RSPH14: variants seen among roughly 807,000 people sequenced by gnomAD.
RSPH14 encodes rhabdoid tumor deletion region gene 1.
A neutral mutation model predicts 26.7 loss-of-function variants in RSPH14; 20 were observed. The observed-to-expected ratio is 0.75, with a 90% CI of 0.53 to 1.09. The LOEUF is 1.09. Ranked by LOEUF, RSPH14 falls within the 50% of genes least tolerant of loss-of-function variation. The pLI is 0.00. For missense variants in RSPH14, 449 were observed against 457.2 expected (o/e 0.98, Z 0.16); for synonymous variants, 177 against 189.3 (o/e 0.93, Z 0.53).
intron 4 of RSPH14, among the ~76,000 whole-genome samples, chr22:23,091,081 C>T (rs2068958163): frequency 6.6e-6 from 1 of 152,188 alleles, no homozygotes; most frequent in Non-Finnish European, 1.5e-5. Context: ...TGCAGATGCC[C>T]ACATGCACCA....
chr22:23,152,103 C>T, the RSPH14 span, among the ~76,000 whole-genome samples: 1 of 152,252 alleles, frequency 6.6e-6, no homozygotes, highest in Non-Finnish European at 1.5e-5. Context: ...AGCTCCCGGA[C>T]AGCACAGACG....
At chr22:23,103,267 C>T (rs958630943) in intron 4 of RSPH14, among the ~76,000 whole-genome samples, 1 of 152,194 alleles carries the variant, frequency 6.6e-6, no homozygotes, top group African/African-American at 2.4e-5. Flanking sequence ...GCAAATACTA[C>T]AAAACAGTTC....
At chr22:23,096,022 G>A (rs367585946) in intron 4 of RSPH14, 87 of 1,607,134 alleles carry the variant, frequency 5.4e-5, no homozygotes, top group East Asian at 8.9e-5. Context: ...AGCTCTTTGC[G>A]CTGACGGGCC....
intron 4 of RSPH14, among the ~76,000 whole-genome samples, chr22:23,099,933 G>C (rs1364173451): frequency 6.6e-6 from 1 of 152,252 alleles, no homozygotes; most frequent in Non-Finnish European, 1.5e-5. Flanking sequence ...TCAGCTAATG[G>C]ACTCTGCTGG....
At chr22:23,161,919 C>T in the RSPH14 span, 1 of 255,960 alleles carries the variant, frequency 3.9e-6, no homozygotes, top group African/African-American at 2.3e-5. Flanking sequence ...GTCTATACTA[C>T]TCGGCCATGG....
chr22:23,095,641 A>G (rs2069102251), intron 4 of RSPH14: 1 of 1,541,664 alleles, frequency 6.5e-7, no homozygotes, highest in Admixed American at 2.0e-5. Context: ...CCCTGTGGCA[A>G]GAGGGAGAGG....
the RSPH14 span, chr22:23,162,798 C>T: frequency 2.4e-4 from 108 of 455,074 alleles, no homozygotes; most frequent in African/African-American, 2.0e-3. Context: ...CACACTGCAG[C>T]TGCCCTGTAA....
At chr22:23,093,112 T>C (rs2069032770) in intron 4 of RSPH14, among the ~76,000 whole-genome samples, 1 of 152,230 alleles carries the variant, frequency 6.6e-6, no homozygotes. Context: ...ATTACACATA[T>C]CATGTACATG....
intron 4 of RSPH14, among the ~76,000 whole-genome samples, chr22:23,084,885 G>A (rs938293844): frequency 1.3e-5 from 2 of 152,162 alleles, no homozygotes; most frequent in African/African-American, 4.8e-5. Context: ...GCGGTTTTGT[G>A]GTCACCCTAC....
chr22:23,142,181 T>A (rs914170527), upstream of RSPH14: 1 of 233,642 alleles, frequency 4.3e-6, no homozygotes, highest in Non-Finnish European at 7.0e-6. Flanking sequence ...TTGTTCAAAG[T>A]ACAGAAGGGA....
the RSPH14 span, among the ~76,000 whole-genome samples, chr22:23,156,815 C>A: frequency 6.6e-6 from 1 of 152,222 alleles, no homozygotes; most frequent in East Asian, 1.9e-4. Flanking sequence ...CCTCTTCGGG[C>A]CTCTCCTTGA....
At chr22:23,095,267 T>G (rs146934131) in intron 4 of RSPH14, 1 of 193,338 alleles carries the variant, frequency 5.2e-6, no homozygotes, top group Admixed American at 5.5e-5. Flanking sequence ...GGATGCACAG[T>G]GGGAGCCGGA....
At chr22:23,147,504 A>AT (rs551248740), upstream of RSPH14, among the ~76,000 whole-genome samples, 255 of 151,662 alleles carry the variant, frequency 1.7e-3, no homozygotes, top group Non-Finnish European at 3.0e-3. Context: ...CTAATTTTTA[A>AT]TTTTTTTTAA....
At chr22:23,114,931 T>A (rs2069780130) in intron 4 of RSPH14, among the ~76,000 whole-genome samples, 1 of 152,178 alleles carries the variant, frequency 6.6e-6, no homozygotes, top group African/African-American at 2.4e-5. Context: ...CAGTGGGGAC[T>A]GCCATGAAGG....
At chr22:23,090,466 A>G (rs546209737) in intron 4 of RSPH14, among the ~76,000 whole-genome samples, 1 of 152,174 alleles carries the variant, frequency 6.6e-6, no homozygotes, top group Admixed American at 6.5e-5. Flanking sequence ...CGCAGCAGCC[A>G]GAGGGATGCT....
chr22:23,084,080 A>G (rs1051526402), intron 4 of RSPH14, among the ~76,000 whole-genome samples: 1 of 152,154 alleles, frequency 6.6e-6, no homozygotes, highest in African/African-American at 2.4e-5. Flanking sequence ...CCCAGAGGGC[A>G]GTTCCTGGGA....
At chr22:23,170,303 C>T in the RSPH14 span, among the ~76,000 whole-genome samples, 1 of 152,176 alleles carries the variant, frequency 6.6e-6, no homozygotes, top group African/African-American at 2.4e-5. Flanking sequence ...ATTTATTTCT[C>T]ACAGTCCCGG....
chr22:23,060,571 C>T (rs73401110), intron 6 of RSPH14, among the ~76,000 whole-genome samples: 3,512 of 152,282 alleles, frequency 0.023, 150 homozygotes, highest in African/African-American at 0.081. Context: ...AGATGCCCTC[C>T]TCAACCATTC....
chr22:23,121,579 G>A (rs537872967), intron 4 of RSPH14, among the ~76,000 whole-genome samples: 5 of 152,332 alleles, frequency 3.3e-5, no homozygotes, highest in Middle Eastern at 3.4e-3. Flanking sequence ...CTGGCAGCTC[G>A]TGTCCAGCTG....
Sources: allele counts gnomAD v4.1 joint callset (sites outside exome capture counted in the v4.1 genomes callset), GRCh38; gene constraint gnomAD v4.1.1; transcripts MANE v1.5; gene names NCBI Gene and HGNC (gene_info 2026-07-23, HGNC 2026-07-21).